Variants in PDE6B observed in about 807,000 individuals in gnomAD.
PDE6B encodes phosphodiesterase 6B.
In PDE6B, 106 loss-of-function variants were observed where a neutral mutation model predicts 109.0. The ratio of observed to expected loss-of-function variants is 0.97; its 90% confidence interval spans 0.83 to 1.14. The LOEUF (loss-of-function observed/expected upper bound fraction) is 1.14. Among genes scored for constraint, PDE6B ranks in the 50% most tolerant of loss-of-function variants. PDE6B has a pLI of 0.00. For missense variants in PDE6B, 1,193 were observed against 1,155.6 expected, an observed-to-expected ratio of 1.03 and a Z score of -0.47; for synonymous variants, 490 against 471.3, an observed-to-expected ratio of 1.04 and a Z score of -0.51.
At chr4:653,824 A>G (rs1052652823) in intron 3 of PDE6B, 28 bp from the exon 4 acceptor site, 6 of 1,612,272 alleles carry the variant, frequency 3.7e-6, no homozygotes, top group Non-Finnish European at 5.1e-6. Flanking sequence ...GAGTGGCCAC[A>G]GGCCCACAGG....
At position 662,365 on chromosome 4, in the gene PDE6B, C is replaced by G. The variant is rs929004662; in HGVS notation, c.1722+124C>G. The G allele has an allele frequency of 1.2e-6, 1 of 820,004 alleles. No homozygotes were observed. 50.8% of individuals were successfully genotyped at this position (820,004 alleles called of 1,614,324 possible). On this transcript the variant is annotated intron_variant, in intron 13 of 21. Transcript: ENST00000496514. This position sits in a 1 kb window ranked among gnomAD's most constrained non-coding sequence, Gnocchi z 4.3. ...CAGAAGGATGGAGGAGGGCAACGCCCTCTGACACCGTGCACCGCGCACCCC... is the reference window on the plus strand; with the variant it reads ...CAGAAGGATGGAGGAGGGCAACGCCGTCTGACACCGTGCACCGCGCACCCC...
In PDE6B at chr4:633,655, TGAG is replaced by T. The variant is rs1446407684; in HGVS notation, c.469-1018_469-1016del. Among the ~76,000 whole-genome samples the T allele has an allele frequency of 2.0e-5, 3 of 152,012 alleles. No homozygotes were observed. The highest frequency in any genetic ancestry group is 4.8e-5 in the African/African-American group (2 of 41,372). ...CTGTTATTTTTGCCCCATTGACTGGTGAGGAGAAGGCCACAGAACCACCCTGTG... is the reference window on the plus strand; with the variant it reads ...CTGTTATTTTTGCCCCATTGACTGGTGAGAAGGCCACAGAACCACCCTGTG... On this transcript the variant is annotated intron_variant, in intron 1 of 21. Transcript: ENST00000496514. This position sits in a 1 kb window ranked among gnomAD's most constrained non-coding sequence, Gnocchi z 4.5.
Position 648,852 on chromosome 4 carries a change from C to T in PDE6B, c.712-5000C>T, listed in dbSNP as rs1261673869. ...GGCCATGCGTCAGGACCCGGTGGCT[C>T]GCTGCAAGGGCGGAGGAGGTGCCCC... On this transcript the variant is annotated intron_variant, in intron 3 of 21. Transcript: ENST00000496514. The surrounding 1 kb of genome is among the most constrained non-coding windows in gnomAD (Gnocchi z 4.5). Among the ~76,000 whole-genome samples, 1 of 152,230 alleles carries T rather than the reference C, an allele frequency of 6.6e-6. No individual in the cohort carries two copies. Among genetic ancestry groups the T allele is most frequent in the South Asian group, 2.1e-4 (1 of 4,832 alleles).
At chr4:659,802 A>G (rs1289111919) in intron 11 of PDE6B, among the ~76,000 whole-genome samples, 4 of 152,188 alleles carry the variant, frequency 2.6e-5, no homozygotes, top group African/African-American at 9.7e-5. Context: ...ATATAGACAC[A>G]TGCTTGTGTG....
At chr4:653,596 C>T (rs919016058) in intron 3 of PDE6B, 84 of 584,272 alleles carry the variant, frequency 1.4e-4, no homozygotes, top group Middle Eastern at 4.6e-4. Flanking sequence ...ACTTTCCACT[C>T]GTCCACTCCT....
rs886059542 is a variant in PDE6B, at chr4:654,071, T to C, written c.853-9T>C. The C allele has an allele frequency of 1.2e-5, 19 of 1,613,844 alleles. No individual in the cohort carries two copies. Among genetic ancestry groups the C allele is most frequent in the Non-Finnish European group, 1.6e-5 (19 of 1,179,980 alleles). ...GTGACCGCCCCACCCTCACCTCTTC[T>C]CTGCCCAGGAATTTTTTGACGTGTG... On this transcript the variant is annotated splice_polypyrimidine_tract_variant and intron_variant, in intron 4 of 21. Coordinates refer to ENST00000496514, the MANE Select transcript of PDE6B (RefSeq NM_000283.4).
chr4:640,009 A>G (rs1279458880), intron 3 of PDE6B, among the ~76,000 whole-genome samples: 2 of 151,648 alleles, frequency 1.3e-5, no homozygotes, highest in Non-Finnish European at 2.9e-5. Flanking sequence ...AAAAAAATAA[A>G]AAAAGTGATG....
chr4:626,720 C>T lies in PDE6B; in HGVS notation c.468+626C>T, dbSNP rs1472844434. ...GGACAAGAGACAGAATCGAGACAGG[C>T]TCACTGGAGTCACTGAAGGAGGGAA... On this transcript the variant is annotated intron_variant, in intron 1 of 21. Transcript: ENST00000496514. The surrounding 1 kb of genome is among the most constrained non-coding windows in gnomAD (Gnocchi z 4.6). 6.6e-6 allele frequency among the ~76,000 whole-genome samples: 1 copy of T among 152,222 alleles called. No homozygotes were observed. Among genetic ancestry groups the T allele is most frequent in the East Asian group, 1.9e-4 (1 of 5,204 alleles).
chr4:625,684 C>T lies in PDE6B; in HGVS notation c.58C>T (p.Arg20Cys), dbSNP rs558368752. The change falls in exon 1 of 22, where the codon CGC (arginine) becomes TGC (cysteine). Residue 20 changes from arginine (R) to cysteine (C), a missense_variant. By Grantham distance (180) the Arg-to-Cys change is radical. Transcript: ENST00000496514. This position sits in a 1 kb window ranked among gnomAD's most constrained non-coding sequence, Gnocchi z 5.0. ...SFLDQNPDFA[R>C]QYFGKKLSPE... ...TCTGGACCAGAACCCCGATTTTGCCCGCCAGTACTTTGGGAAGAAACTGAG... is the reference window on the plus strand; with the variant it reads ...TCTGGACCAGAACCCCGATTTTGCCTGCCAGTACTTTGGGAAGAAACTGAG... 38 of 1,613,970 alleles carry T rather than the reference C, an allele frequency of 2.4e-5. No individual in the cohort carries two copies. Among genetic ancestry groups the T allele is most frequent in the East Asian group, 6.7e-5 (3 of 44,880 alleles).
chr4:656,769 C>T (rs1442869644), intron 8 of PDE6B, 105 bp from the exon 9 acceptor site: 16 of 1,022,460 alleles, frequency 1.6e-5, no homozygotes, highest in Non-Finnish European at 7.6e-6. Context: ...CGAGCCCAGC[C>T]GTCACGGCTC....
intron 3 of PDE6B, among the ~76,000 whole-genome samples, chr4:647,199 C>G (rs1735248617): frequency 6.6e-6 from 1 of 151,996 alleles, no homozygotes; most frequent in South Asian, 2.1e-4. Context: ...TAATTCCCAA[C>G]TTCGTGTCAC....
At chr4:641,860 T>G (rs548009813) in intron 3 of PDE6B, among the ~76,000 whole-genome samples, 41 of 152,200 alleles carry the variant, frequency 2.7e-4, no homozygotes, top group Non-Finnish European at 4.9e-4. Context: ...TTGGCCAGGC[T>G]GGTCTTAAAC....
At chr4:655,910 G>A (rs749598581) in intron 6 of PDE6B, 30 bp from the exon 7 acceptor site, 4 of 1,453,518 alleles carry the variant, frequency 2.8e-6, no homozygotes, top group Non-Finnish European at 3.9e-6. Context: ...GCCCGGCGTG[G>A]CCTATCTGAC....
At position 664,240 on chromosome 4, in the gene PDE6B, G is replaced by C; in HGVS notation, c.2129+19G>C. On this transcript the variant is annotated intron_variant, in intron 17 of 21. Transcript: ENST00000496514. Reference sequence around the variant, plus strand: ...TCGTCATGTGAGCGCGGGCGGAGGGGGCACGAGGGGTCCTTCCCTCGCAGG... The same window carrying C: ...TCGTCATGTGAGCGCGGGCGGAGGGCGCACGAGGGGTCCTTCCCTCGCAGG... The C allele has an allele frequency of 7.5e-7, 1 of 1,341,782 alleles. No individual in the cohort carries two copies. The highest frequency in any genetic ancestry group is 1.1e-6 in the Non-Finnish European group (1 of 931,924). The allele number at this position is 1,341,782 out of a possible 1,614,324, so 83.1% of individuals were successfully genotyped here.
At chr4:632,146 G>A (rs1734417070) in intron 1 of PDE6B, among the ~76,000 whole-genome samples, 1 of 151,716 alleles carries the variant, frequency 6.6e-6, no homozygotes, top group Admixed American at 6.6e-5. Flanking sequence ...GCTCTTTCCA[G>A]AATCTCTGGT....
rs574785111 is a variant in PDE6B at position 633,867 on chromosome 4, G to T, written c.469-810G>T. ...AGGACAGAATCCCAGTCACCGGGGG[G>T]TGTCTGGTCTCAGTAACCCTCGCTG... On this transcript the variant is annotated intron_variant, in intron 1 of 21. Coordinates refer to ENST00000496514, the MANE Select transcript of PDE6B (RefSeq NM_000283.4). This position sits in a 1 kb window ranked among gnomAD's most constrained non-coding sequence, Gnocchi z 4.5. Among the ~76,000 whole-genome samples, 11 of 152,322 alleles carry T rather than the reference G, an allele frequency of 7.2e-5. No individual in the cohort carries two copies. The South Asian group carries it at 2.1e-3, about 29-fold the overall frequency.
rs753379480 is a variant in PDE6B at position 662,230 on chromosome 4, A to T, written c.1711A>T (p.Thr571Ser). ...CTTCAACGTGGCCCAGACGATGTTCACGCTGCTCATGGTACGTGGCTGCCA... is the reference window on the plus strand; with the variant it reads ...CTTCAACGTGGCCCAGACGATGTTCTCGCTGCTCATGGTACGTGGCTGCCA... Reference protein sequence around the residue: ...HGFNVAQTMFTLLMTGKLKSY... With the variant: ...HGFNVAQTMFSLLMTGKLKSY... Residue 571 changes from threonine to serine, a missense_variant, in exon 13 of 22, where the codon ACG becomes TCG. Transcript: ENST00000496514. The surrounding 1 kb of genome is among the most constrained non-coding windows in gnomAD (Gnocchi z 4.3). 2 of 1,552,884 alleles carry T rather than the reference A, an allele frequency of 1.3e-6. No individual in the cohort carries two copies. Among genetic ancestry groups the T allele is most frequent in the Non-Finnish European group, 1.8e-6 (2 of 1,142,030 alleles).
At chr4:653,293 GA>G in intron 3 of PDE6B, 1 of 1,028,316 alleles carries the variant, frequency 9.7e-7, no homozygotes, top group South Asian at 3.7e-5. Flanking sequence ...AGGAGGCAGA[GA>G]AAGGTGGCCC....
At chr4:628,165 T>C (rs867224329) in intron 1 of PDE6B, among the ~76,000 whole-genome samples, 3 of 148,530 alleles carry the variant, frequency 2.0e-5, no homozygotes, top group Non-Finnish European at 3.0e-5. Context: ...AAAGCAAATC[T>C]TCATGAAGTG....
Sources: gnomAD v4.1 joint callset for allele counts (sites outside exome capture counted in the v4.1 genomes callset) on GRCh38, gnomAD v4.1.1 for gene constraint, Gnocchi (gnomAD v3.1) non-coding constraint, MANE v1.5 for transcripts, NCBI Gene and HGNC (gene_info 2026-07-23, HGNC 2026-07-21) for gene names.